Variants in FGF12 observed in about 807,000 individuals in gnomAD.
The protein encoded by FGF12 is fibroblast growth factor 12B.
Under a neutral mutation model 23.6 loss-of-function variants are expected in FGF12, and 14 were observed. The observed-to-expected ratio is 0.59, with a 90% confidence interval of 0.39 to 0.93. The LOEUF is 0.93. Ranked by LOEUF, FGF12 falls within the 40% of genes least tolerant of loss-of-function variation. The pLI is 0.00. For synonymous variants in FGF12, 62 were observed against 77.3 expected (o/e 0.80, Z 1.04); for missense variants, 175 against 217.8 (o/e 0.80, Z 1.24).
At chr3:192,167,731 G>A (rs866202127) in intron 5 of FGF12, among the ~76,000 whole-genome samples, 8 of 25,036 alleles carry the variant, frequency 3.2e-4, no homozygotes, top group African/African-American at 1.7e-3. Context: ...TAGGTTATAG[G>A]TATATATATA....
chr3:192,504,122 A>T (rs1243989183), intron 2 of FGF12, among the ~76,000 whole-genome samples: 1 of 152,110 alleles, frequency 6.6e-6, no homozygotes, highest in Admixed American at 6.5e-5. Flanking sequence ...CTCACTTATA[A>T]GTGGGAGACA....
chr3:192,408,386 G>A lies in FGF12; in HGVS notation c.14-47848C>T. 1 of 1,419,556 alleles carries A rather than the reference G, an allele frequency of 7.0e-7. No homozygotes were observed. The highest frequency in any genetic ancestry group is 9.2e-7 in the Non-Finnish European group (1 of 1,091,072). 87.9% of individuals were successfully genotyped at this position (1,419,556 alleles called of 1,614,324 possible). A position where few individuals can be genotyped will look rare whatever the true frequency, so the allele number is the denominator to read the frequency against. ...GTATCGAAAACCCGGCGCTCACAAG[G>A]TTAGTCAAAGTCTGGGCAGTGGCGA... is the stretch of plus-strand genomic sequence containing the variant. On this transcript the variant is annotated intron_variant, in intron 2 of 5. Transcript: ENST00000445105. The surrounding 1 kb of genome is among the most constrained non-coding windows in gnomAD (Gnocchi z 7.3).
chr3:192,450,174 C>T (rs1353720103), intron 2 of FGF12, among the ~76,000 whole-genome samples: 1 of 152,138 alleles, frequency 6.6e-6, no homozygotes, highest in East Asian at 1.9e-4. Flanking sequence ...CCAAGATACC[C>T]TTTCCAGGAA....
chr3:192,372,381 T>C (rs528583025), intron 2 of FGF12, among the ~76,000 whole-genome samples: 1 of 129,886 alleles, frequency 7.7e-6, no homozygotes, highest in South Asian at 2.6e-4. Context: ...TCTATCATCT[T>C]TTCATACCAT....
chr3:192,267,892 C>T lies in FGF12; in HGVS notation c.228+67469G>A, dbSNP rs543170602. Among the ~76,000 whole-genome samples, 61 of 152,228 alleles carry T rather than the reference C, an allele frequency of 4.0e-4. 1 individual carries two copies. Among genetic ancestry groups the T allele is most frequent in the African/African-American group, 1.4e-3 (60 of 41,548 alleles). ...AAATCACAAATTTCTAACAACGCACCTTTAATAAGTTTAACACAAATCATA... is the reference window on the plus strand; with the variant it reads ...AAATCACAAATTTCTAACAACGCACTTTTAATAAGTTTAACACAAATCATA... On this transcript the variant is annotated intron_variant, in intron 4 of 5. Coordinates refer to ENST00000445105, the MANE Select transcript of FGF12 (RefSeq NM_004113.6).
intron 2 of FGF12, among the ~76,000 whole-genome samples, chr3:192,507,802 G>A (rs1724359071): frequency 6.6e-6 from 1 of 152,144 alleles, no homozygotes; most frequent in Non-Finnish European, 1.5e-5. Flanking sequence ...ACTATCTCTA[G>A]TCAAAGACTT....
At chr3:192,449,070 C>A (rs1319447406) in intron 2 of FGF12, among the ~76,000 whole-genome samples, 1 of 152,128 alleles carries the variant, frequency 6.6e-6, no homozygotes, top group Non-Finnish European at 1.5e-5. Context: ...CTCATTCAGT[C>A]CTTCCGATAC....
chr3:192,567,625 G>A (rs909111302), intron 2 of FGF12, among the ~76,000 whole-genome samples: 2 of 152,066 alleles, frequency 1.3e-5, no homozygotes, highest in African/African-American at 4.8e-5. Context: ...AAAGCTCTAG[G>A]TGAGAATCCT....
chr3:192,270,703 T>C lies in FGF12; in HGVS notation c.228+64658A>G, dbSNP rs537051905. Among the ~76,000 whole-genome samples, 30 of 151,044 alleles carry C rather than the reference T, an allele frequency of 2.0e-4. 1 individual carries two copies. The South Asian group carries it at 5.0e-3, about 25-fold the overall frequency. ...TACATAACCCATATATTCCTCCAGA[T>C]TGTAGAAGAAAAATGCTATGCTGAA... On this transcript the variant is annotated intron_variant, in intron 4 of 5. Coordinates refer to ENST00000445105, the MANE Select transcript of FGF12 (RefSeq NM_004113.6).
chr3:192,461,951 C>A (rs1014986545), intron 2 of FGF12, among the ~76,000 whole-genome samples: 1 of 151,170 alleles, frequency 6.6e-6, no homozygotes, highest in Non-Finnish European at 1.5e-5. Context: ...GATCGCACCA[C>A]GGCACTCCAG....
At chr3:192,196,653 G>T (rs561802272) in intron 4 of FGF12, among the ~76,000 whole-genome samples, 120 of 152,194 alleles carry the variant, frequency 7.9e-4, no homozygotes, top group Middle Eastern at 3.4e-3. Context: ...ATATTCTAGG[G>T]TGTAAATTTC....
intron 4 of FGF12, among the ~76,000 whole-genome samples, chr3:192,254,668 G>GC (rs1227026521): frequency 6.6e-6 from 1 of 151,954 alleles, no homozygotes; most frequent in African/African-American, 2.4e-5. Flanking sequence ...CTAGGCAAAA[G>GC]CCAAGATTCT....
At chr3:192,451,305 C>G (rs1193807878) in intron 2 of FGF12, among the ~76,000 whole-genome samples, 2 of 152,158 alleles carry the variant, frequency 1.3e-5, no homozygotes, top group East Asian at 1.9e-4. Flanking sequence ...TCTCTTTGTT[C>G]TATGCCATTG....
chr3:192,620,853 C>T (rs1420160613), intron 2 of FGF12, among the ~76,000 whole-genome samples: 1 of 152,100 alleles, frequency 6.6e-6, no homozygotes, highest in African/African-American at 2.4e-5. Flanking sequence ...TGGCAGCTCA[C>T]AAAGGAGACC....
intron 4 of FGF12, among the ~76,000 whole-genome samples, chr3:192,264,571 A>G (rs115732432): frequency 2.9e-3 from 449 of 152,230 alleles, no homozygotes; most frequent in African/African-American, 0.011. Context: ...TTAGTCCTCT[A>G]TTCAACCTAA....
intron 2 of FGF12, among the ~76,000 whole-genome samples, chr3:192,442,431 A>G (rs1722226323): frequency 6.6e-6 from 1 of 152,220 alleles, no homozygotes; most frequent in South Asian, 2.1e-4. Context: ...ATAAAAGAAA[A>G]GATAATAGAC....
chr3:192,422,521 G>A (rs977316186), intron 2 of FGF12, among the ~76,000 whole-genome samples: 1 of 152,186 alleles, frequency 6.6e-6, no homozygotes, highest in South Asian at 2.1e-4. Flanking sequence ...GTCCCCAGAA[G>A]AACTAAACCT....
At chr3:192,506,197 G>C (rs1007327262) in intron 2 of FGF12, among the ~76,000 whole-genome samples, 35 of 152,310 alleles carry the variant, frequency 2.3e-4, no homozygotes, top group Non-Finnish European at 4.6e-4. Context: ...TCCAATCAAA[G>C]CTACAGTTAT....
rs1577093218 is a variant in FGF12 at position 192,640,332 on chromosome 3, G to A, written c.13+86849C>T. 4.6e-5 allele frequency among the ~76,000 whole-genome samples: 7 copies of A among 151,952 alleles called. 1 individual carries two copies. In the East Asian group the frequency reaches 1.4e-3, roughly 29 times the overall value. The stretch of plus-strand genomic sequence containing the variant: ...CATCATGTTGTATATATCAAATATG[G>A]ACAATAAATTATATTTTAAATTTAA... On this transcript the variant is annotated intron_variant, in intron 2 of 5. Coordinates refer to ENST00000445105, the MANE Select transcript of FGF12 (RefSeq NM_004113.6).
Sources: gnomAD v4.1 joint callset for allele counts (sites outside exome capture counted in the v4.1 genomes callset) on GRCh38, gnomAD v4.1.1 for gene constraint, Gnocchi (gnomAD v3.1) non-coding constraint, MANE v1.5 for transcripts, NCBI Gene and HGNC (gene_info 2026-07-23, HGNC 2026-07-21) for gene names.